The following SCAP variants were observed in gnomAD, a reference collection of about 807,000 sequenced individuals.
The protein encoded by SCAP is SREBF chaperone.
Under a neutral mutation model 123.6 loss-of-function variants are expected in SCAP, and 65 were observed. The observed-to-expected ratio is 0.53, with a 90% CI of 0.43 to 0.65. The LOEUF is 0.65. Among genes scored for constraint, SCAP ranks in the 30% least tolerant of loss-of-function variants. The probability of loss-of-function intolerance (pLI) is 0.00; values close to 1 mark genes in which losing one functional copy is unlikely to be tolerated. For synonymous variants in SCAP, 740 were observed against 726.3 expected, an observed-to-expected ratio of 1.02 and a Z score of -0.30; for missense variants, 1,398 against 1,712.5, an observed-to-expected ratio of 0.82 and a Z score of 3.24.
chr3:47,437,363 G>A (rs918917609), intron 2 of SCAP, among the ~76,000 whole-genome samples: 3 of 149,592 alleles, frequency 2.0e-5, no homozygotes, highest in Non-Finnish European at 3.0e-5. Flanking sequence ...CACTTGAACC[G>A]GTGAGCTGAG....
At chr3:47,463,450 C>T (rs1707719303) in intron 1 of SCAP, among the ~76,000 whole-genome samples, 1 of 152,130 alleles carries the variant, frequency 6.6e-6, no homozygotes, top group Non-Finnish European at 1.5e-5. Flanking sequence ...GCCTGTAATC[C>T]CAGCACTTTG....
At chr3:47,423,339 G>A (rs916636017) in intron 9 of SCAP, among the ~76,000 whole-genome samples, 4 of 152,358 alleles carry the variant, frequency 2.6e-5, no homozygotes, top group Middle Eastern at 3.4e-3. Flanking sequence ...GCCAGCCCCC[G>A]GGGCTTGGGC....
At chr3:47,429,740 T>C (rs1706285591) in intron 3 of SCAP, among the ~76,000 whole-genome samples, 1 of 152,216 alleles carries the variant, frequency 6.6e-6, no homozygotes, top group African/African-American at 2.4e-5. Context: ...ACCATTACTA[T>C]TGTCTATGGC....
chr3:47,457,787 G>A (rs1175751549), intron 1 of SCAP, among the ~76,000 whole-genome samples: 1 of 151,734 alleles, frequency 6.6e-6, no homozygotes, highest in Non-Finnish European at 1.5e-5. Flanking sequence ...GGTGCCTGTA[G>A]TCCCAGCTAC....
In SCAP at chr3:47,428,671, C is replaced by T; in HGVS notation, c.253-1G>A. ...CATAAGCCACCGGGGCACCCACATA[C>T]TGCAGAAGAAATGAGGGAGGGCAGA... On this transcript the variant is annotated splice_acceptor_variant, in intron 3 of 22. Coordinates refer to ENST00000265565, the MANE Select transcript of SCAP (RefSeq NM_012235.4). LOFTEE classifies it high-confidence loss of function. The T allele has an allele frequency of 6.2e-7, 1 of 1,613,614 alleles. No individual in the cohort carries two copies. The highest frequency in any genetic ancestry group is 8.5e-7 in the Non-Finnish European group (1 of 1,179,738).
chr3:47,458,467 A>T (rs1271348709), intron 1 of SCAP, among the ~76,000 whole-genome samples: 1 of 152,200 alleles, frequency 6.6e-6, no homozygotes, highest in Non-Finnish European at 1.5e-5. Context: ...TGAAAAAATA[A>T]AGGAATTTCA....
chr3:47,418,537 G>C lies in SCAP; in HGVS notation c.2130-15C>G. 6.3e-7 allele frequency: 1 copy of C among 1,576,324 alleles called. No homozygotes were observed. Among genetic ancestry groups the C allele is most frequent in the Non-Finnish European group, 8.6e-7 (1 of 1,161,860 alleles). Reference sequence around the variant, plus strand: ...GCGCCGCCACCCTGCACGGGAGGGCGGACTGCTGTGAGACACACCTCACAG... The same window carrying C: ...GCGCCGCCACCCTGCACGGGAGGGCCGACTGCTGTGAGACACACCTCACAG... On this transcript the variant is annotated splice_polypyrimidine_tract_variant and intron_variant, in intron 14 of 22. Coordinates refer to ENST00000265565, the MANE Select transcript of SCAP (RefSeq NM_012235.4).
intron 1 of SCAP, among the ~76,000 whole-genome samples, chr3:47,446,905 T>C (rs572654691): frequency 2.6e-5 from 4 of 152,224 alleles, no homozygotes; most frequent in Non-Finnish European, 4.4e-5. Flanking sequence ...GACCACACCA[T>C]TGCACTCTAG....
chr3:47,419,717 A>G lies in SCAP; in HGVS notation c.1564-13T>C. ...CAACGGTGCCAGCCTGCAGTGGGGCAGGGGGTACTCAGTGGGAGGAATGGG... is the reference window on the plus strand; with the variant it reads ...CAACGGTGCCAGCCTGCAGTGGGGCGGGGGGTACTCAGTGGGAGGAATGGG... On this transcript the variant is annotated splice_polypyrimidine_tract_variant and intron_variant, in intron 12 of 22. Transcript: ENST00000265565. This position sits in a 1 kb window ranked among gnomAD's most constrained non-coding sequence, Gnocchi z 5.0. 6.6e-7 allele frequency: 1 copy of G among 1,516,240 alleles called. No individual in the cohort carries two copies. The allele number at this position is 1,516,240 out of a possible 1,614,324, so 93.9% of individuals were successfully genotyped here.
rs60634259 is a variant in SCAP at position 47,437,688 on chromosome 3, G to A, written c.123-2551C>T. ...AGCCGGGAGGCTGAGGCTGCAATAAGCCATGATCATGCCACTGCATTCCAG... is the reference window on the plus strand; with the variant it reads ...AGCCGGGAGGCTGAGGCTGCAATAAACCATGATCATGCCACTGCATTCCAG... On this transcript the variant is annotated intron_variant, in intron 2 of 22. Coordinates refer to ENST00000265565, the MANE Select transcript of SCAP (RefSeq NM_012235.4). 8.5e-3 allele frequency among the ~76,000 whole-genome samples: 1,293 copies of A among 152,090 alleles called. 19 individuals carry two copies. The highest frequency in any genetic ancestry group is 0.03 in the African/African-American group (1,234 of 41,476).
At chr3:47,443,222 C>T (rs1363482011) in intron 1 of SCAP, 131 bp from the exon 2 acceptor site, 1 of 500,900 alleles carries the variant, frequency 2.0e-6, no homozygotes, top group South Asian at 2.1e-5. Flanking sequence ...CTAGTGACCT[C>T]AATCCCAAAA....
In SCAP at chr3:47,419,315, C is replaced by T. The variant is rs371988682; in HGVS notation, c.1940+13G>A. The T allele has an allele frequency of 3.5e-5, 55 of 1,592,326 alleles. No homozygotes were observed. In the African/African-American group the frequency reaches 4.8e-4, roughly 14 times the overall value. On this transcript the variant is annotated intron_variant, in intron 13 of 22. Transcript: ENST00000265565. The surrounding 1 kb of genome is among the most constrained non-coding windows in gnomAD (Gnocchi z 5.0). ...CCATCGAGTGAGGTGGCACCTGGCACGGCCCAGCTCACCTCTTGGCCAGTG... is the reference window on the plus strand; with the variant it reads ...CCATCGAGTGAGGTGGCACCTGGCATGGCCCAGCTCACCTCTTGGCCAGTG...
intron 3 of SCAP, among the ~76,000 whole-genome samples, chr3:47,432,801 G>A (rs933882516): frequency 6.6e-6 from 1 of 152,036 alleles, no homozygotes; most frequent in Non-Finnish European, 1.5e-5. Flanking sequence ...CCTCAGTACT[G>A]GGATTACAGG....
In SCAP at chr3:47,422,018, G is replaced by A. The variant is rs570365226; in HGVS notation, c.1245+424C>T. Among the ~76,000 whole-genome samples the A allele has an allele frequency of 2.2e-3, 341 of 152,402 alleles. 4 individuals carry two copies. Among genetic ancestry groups the A allele is most frequent in the African/African-American group, 7.7e-3 (321 of 41,604 alleles). On this transcript the variant is annotated intron_variant, in intron 10 of 22. Transcript: ENST00000265565. ...TCTGGCGACTGCGGCACAGGCCAGG[G>A]CCAAGGGAGGAGACCGGAGGAAGGG...
Position 47,420,832 on chromosome 3 carries a change from C to T in SCAP, c.1345-60G>A. 6.4e-7 allele frequency: 1 copy of T among 1,561,670 alleles called. No individual in the cohort carries two copies. Among genetic ancestry groups the T allele is most frequent in the Non-Finnish European group, 8.7e-7 (1 of 1,145,572 alleles). On this transcript the variant is annotated intron_variant, in intron 11 of 22. Coordinates refer to ENST00000265565, the MANE Select transcript of SCAP (RefSeq NM_012235.4). This position sits in a 1 kb window ranked among gnomAD's most constrained non-coding sequence, Gnocchi z 5.0. ...CCATCCAGAGGCTGCTCGCACAGGA[C>T]CGCTGTCCTGCCCGAGGTCTACACC...
chr3:47,422,613 G>A (rs1233948728), intron 9 of SCAP, 77 bp from the exon 10 acceptor site: 12 of 1,257,300 alleles, frequency 9.5e-6, no homozygotes, highest in Middle Eastern at 3.9e-4. Flanking sequence ...CATGGGCCTC[G>A]GAGTGGCAGA....
rs1239182635 is a variant in SCAP, at chr3:47,427,171, C to CTGGAAGACCAGGGTGATGGTG, written c.702_722dup (p.Phe240_Gln241insHisThrIleThrLeuValPhe). The CTGGAAGACCAGGGTGATGGTG allele has an allele frequency of 6.2e-7, 1 of 1,613,470 alleles. No homozygotes were observed. Among genetic ancestry groups the CTGGAAGACCAGGGTGATGGTG allele is most frequent in the Non-Finnish European group, 8.5e-7 (1 of 1,179,478 alleles). ...GTCAATCTTACTTGGCATGGTAGTG[C>CTGGAAGACCAGGGTGATGGTG]TGGAAGACCAGGGTGATGGTGTAGG... is the stretch of plus-strand genomic sequence containing the variant. On this transcript the variant is annotated inframe_insertion, in exon 6 of 23. Transcript: ENST00000265565.
intron 1 of SCAP, among the ~76,000 whole-genome samples, chr3:47,473,079 T>TCAAAAAAAAAAAAAAAAACAAA (rs1559576151): frequency 0.014 from 22 of 1,524 alleles, 1 homozygote; most frequent in Non-Finnish European, 0.041. Flanking sequence ...AAACTCCATC[T>TCAAAAAAAAAAAAAAAAACAAA]CAAAAAAAAA....
At chr3:47,465,908 G>A (rs1707807618) in intron 1 of SCAP, among the ~76,000 whole-genome samples, 1 of 151,906 alleles carries the variant, frequency 6.6e-6, no homozygotes, top group South Asian at 2.1e-4. Flanking sequence ...GCCAAGGCAG[G>A]TGGGTCATGA....
Sources: allele counts gnomAD v4.1 joint callset (sites outside exome capture counted in the v4.1 genomes callset), GRCh38; gene constraint gnomAD v4.1.1; non-coding constraint Gnocchi (gnomAD v3.1); transcripts MANE v1.5; gene names NCBI Gene and HGNC (gene_info 2026-07-23, HGNC 2026-07-21).